Variants in ADAMTSL1 observed in about 807,000 individuals in gnomAD.
ADAMTSL1 encodes the protein ADAMTS like 1.
ADAMTSL1 carries 126 observed loss-of-function variants against 201.8 expected under a neutral mutation model. That is an observed-to-expected ratio of 0.62 (90% CI 0.54 to 0.72). The LOEUF (loss-of-function observed/expected upper bound fraction) is 0.72. ADAMTSL1 is among the 30% of genes least tolerant of loss of function. The probability of loss-of-function intolerance (pLI) is 0.00; values close to 1 mark genes in which losing one functional copy is unlikely to be tolerated. For missense variants in ADAMTSL1, 2,679 were observed against 2,277.8 expected (o/e 1.18, Z -3.59); for synonymous variants, 1,121 against 903.4 (o/e 1.24, Z -4.32).
intron 2 of ADAMTSL1, among the ~76,000 whole-genome samples, chr9:18,222,600 A>T (rs1350306335): frequency 6.9e-6 from 1 of 145,264 alleles, no homozygotes; most frequent in African/African-American, 2.5e-5. Flanking sequence ...AGTTATTAGC[A>T]TTGTATATTC....
intron 20 of ADAMTSL1, among the ~76,000 whole-genome samples, chr9:18,805,587 A>G (rs1395730714): frequency 6.6e-6 from 1 of 152,226 alleles, no homozygotes; most frequent in African/African-American, 2.4e-5. Context: ...AAACTGAGGC[A>G]CAGAATTTAA....
chr9:18,720,522 G>T (rs1333653444), intron 14 of ADAMTSL1, among the ~76,000 whole-genome samples: 1 of 152,198 alleles, frequency 6.6e-6, no homozygotes, highest in African/African-American at 2.4e-5. Context: ...AATGGCTCAC[G>T]CCTGTAATCC....
chr9:17,917,547 A>T (rs1826143769), intron 1 of ADAMTSL1, among the ~76,000 whole-genome samples: 1 of 152,002 alleles, frequency 6.6e-6, no homozygotes, highest in African/African-American at 2.4e-5. Flanking sequence ...ATAAGCCCAA[A>T]TTGATCATAA....
intron 2 of ADAMTSL1, among the ~76,000 whole-genome samples, chr9:18,329,808 C>T (rs1191201261): frequency 1.3e-5 from 2 of 152,152 alleles, no homozygotes; most frequent in Non-Finnish European, 2.9e-5. Flanking sequence ...ATTCAGCAAC[C>T]TTGCTATTCT....
chr9:18,558,242 G>C (rs1798704729), intron 3 of ADAMTSL1, among the ~76,000 whole-genome samples: 1 of 152,096 alleles, frequency 6.6e-6, no homozygotes, highest in Non-Finnish European at 1.5e-5. Flanking sequence ...TCCAACTTAT[G>C]AGTGAGAACA....
At chr9:18,514,921 G>T (rs1211572089) in intron 2 of ADAMTSL1, among the ~76,000 whole-genome samples, 1 of 152,106 alleles carries the variant, frequency 6.6e-6, no homozygotes. Context: ...TTCACATATG[G>T]CCTTAGTTAT....
chr9:17,932,384 G>A (rs1826832657), intron 1 of ADAMTSL1, among the ~76,000 whole-genome samples: 1 of 151,994 alleles, frequency 6.6e-6, no homozygotes, highest in Non-Finnish European at 1.5e-5. Context: ...AGGCTGTTTC[G>A]AGGAGGAAAA....
At chr9:17,955,357 G>T (rs7041611) in intron 1 of ADAMTSL1, among the ~76,000 whole-genome samples, 1,718 of 152,166 alleles carry the variant, frequency 0.011, 31 homozygotes, top group African/African-American at 0.04. Context: ...GATTTTCTTG[G>T]TTTGCTGAGG....
intron 2 of ADAMTSL1, among the ~76,000 whole-genome samples, chr9:18,408,121 T>A (rs1818280427): frequency 6.6e-6 from 1 of 152,170 alleles, no homozygotes; most frequent in Non-Finnish European, 1.5e-5. Flanking sequence ...GAAACATAGA[T>A]AATTTTCTTT....
At chr9:18,449,470 A>G (rs935159826) in intron 2 of ADAMTSL1, among the ~76,000 whole-genome samples, 6 of 152,088 alleles carry the variant, frequency 3.9e-5, no homozygotes, top group Admixed American at 1.3e-4. Context: ...TTTTTCTCTT[A>G]GAGGAAACTT....
intron 1 of ADAMTSL1, among the ~76,000 whole-genome samples, chr9:18,119,883 C>G (rs1825426901): frequency 6.6e-6 from 1 of 152,142 alleles, no homozygotes; most frequent in South Asian, 2.1e-4. Flanking sequence ...GGTCTTTTAA[C>G]TTTGGGAGAT....
chr9:18,049,682 G>T (rs1821838341), intron 1 of ADAMTSL1, among the ~76,000 whole-genome samples: 1 of 151,162 alleles, frequency 6.6e-6, no homozygotes, highest in South Asian at 2.1e-4. Context: ...GCAGTGCAGC[G>T]GTGCCATCTT....
At position 18,348,093 on chromosome 9, in the gene ADAMTSL1, G is replaced by A. The variant is rs6475214; in HGVS notation, c.208-156736G>A. On this transcript the variant is annotated intron_variant, in intron 2 of 29. Coordinates refer to the ADAMTSL1 transcript ENST00000680146. Reference sequence around the variant, plus strand: ...TAGACCCGAATTAGTTTAATCTCTCGCCAATTGTAGATTTAAATTTAGCTT... The same window carrying A: ...TAGACCCGAATTAGTTTAATCTCTCACCAATTGTAGATTTAAATTTAGCTT... Among the ~76,000 whole-genome samples, 1,012 of 152,214 alleles carry A rather than the reference G, an allele frequency of 6.6e-3. 7 individuals are homozygous for A. The highest frequency in any genetic ancestry group is 0.023 in the African/African-American group (969 of 41,512).
chr9:18,228,526 C>G (rs1213214974), intron 2 of ADAMTSL1, among the ~76,000 whole-genome samples: 1 of 152,104 alleles, frequency 6.6e-6, no homozygotes, highest in African/African-American at 2.4e-5. Flanking sequence ...GCTCAAGGAT[C>G]CTCCTGCTTC....
Position 18,850,736 on chromosome 9 carries a change from C to G in ADAMTSL1, c.4249+20759C>G, listed in dbSNP as rs561220241. Among the ~76,000 whole-genome samples, 12 of 152,232 alleles carry G rather than the reference C, an allele frequency of 7.9e-5. No individual in the cohort carries two copies. In the South Asian group the frequency reaches 1.7e-3, roughly 21 times the overall value. On this transcript the variant is annotated intron_variant, in intron 23 of 28. Transcript: ENST00000380548. The stretch of plus-strand genomic sequence containing the variant: ...GAAATAAAGAAGGTAAATTCTAGCC[C>G]CAGTCAACCTACCGTTTTATTAACT...
At chr9:18,536,984 A>G (rs1156303702) in intron 3 of ADAMTSL1, among the ~76,000 whole-genome samples, 1 of 152,200 alleles carries the variant, frequency 6.6e-6, no homozygotes, top group African/African-American at 2.4e-5. Context: ...GGCAGTGACC[A>G]TAATTAGCAA....
intron 1 of ADAMTSL1, among the ~76,000 whole-genome samples, chr9:18,020,108 A>C (rs1820420335): frequency 6.6e-6 from 1 of 152,054 alleles, no homozygotes. Flanking sequence ...GTTATATTCC[A>C]GGAGCTATAC....
At chr9:18,618,506 A>G (rs1289930710) in intron 4 of ADAMTSL1, among the ~76,000 whole-genome samples, 2 of 150,174 alleles carry the variant, frequency 1.3e-5, no homozygotes, top group African/African-American at 2.5e-5. Flanking sequence ...AAGTTATATA[A>G]TAATTTGAAT....
chr9:18,881,006 A>G (rs1487801230), intron 23 of ADAMTSL1, among the ~76,000 whole-genome samples: 1 of 152,136 alleles, frequency 6.6e-6, no homozygotes, highest in Non-Finnish European at 1.5e-5. Context: ...CTAGCTTCCA[A>G]CTTTTCCTCT....
Sources: gnomAD v4.1 joint callset for allele counts (sites outside exome capture counted in the v4.1 genomes callset) on GRCh38, gnomAD v4.1.1 for gene constraint, MANE v1.5 for transcripts, NCBI Gene and HGNC (gene_info 2026-07-23, HGNC 2026-07-21) for gene names.